BLNK: variants seen among roughly 807,000 people sequenced by gnomAD.
BLNK encodes B cell linker.
Under a neutral mutation model 73.5 loss-of-function variants are expected in BLNK, and 29 were observed. The observed-to-expected ratio is 0.39, with a 90% CI of 0.29 to 0.54. The LOEUF is 0.54. Among genes scored for constraint, BLNK ranks in the 20% least tolerant of loss-of-function variants. The pLI, the probability that BLNK is intolerant of heterozygous loss-of-function variation, is 0.61. For missense variants in BLNK, 460 were observed against 562.8 expected (o/e 0.82, Z 1.85); for synonymous variants, 176 against 200.8 (o/e 0.88, Z 1.04).
At chr10:96,247,878 C>A (rs1843115159) in intron 1 of BLNK, among the ~76,000 whole-genome samples, 1 of 152,208 alleles carries the variant, frequency 6.6e-6, no homozygotes, top group African/African-American at 2.4e-5. Context: ...CAATGGGAAA[C>A]CCCTAGAAGG....
intron 4 of BLNK, among the ~76,000 whole-genome samples, chr10:96,230,316 G>T (rs1048408748): frequency 6.6e-6 from 1 of 152,126 alleles, no homozygotes; most frequent in Non-Finnish European, 1.5e-5. Flanking sequence ...GGTCTGAATT[G>T]TGGAACTGCA....
intron 5 of BLNK, among the ~76,000 whole-genome samples, chr10:96,226,595 C>T (rs1207690122): frequency 1.3e-5 from 2 of 152,184 alleles, no homozygotes; most frequent in Non-Finnish European, 2.9e-5. Context: ...AATCCCAGCA[C>T]TTTGGGAGGC....
intron 3 of BLNK, among the ~76,000 whole-genome samples, chr10:96,242,287 A>G (rs1297552374): frequency 3.3e-5 from 5 of 152,022 alleles, no homozygotes; most frequent in Non-Finnish European, 5.9e-5. Context: ...GCCTTCCACT[A>G]TGATTGTGAG....
chr10:96,250,974 G>A (rs782211362), intron 1 of BLNK, among the ~76,000 whole-genome samples: 1 of 152,136 alleles, frequency 6.6e-6, no homozygotes, highest in African/African-American at 2.4e-5. Flanking sequence ...GATCAAATAA[G>A]GGTAATTGGG....
intron 3 of BLNK, among the ~76,000 whole-genome samples, chr10:96,236,852 A>G (rs1469457808): frequency 6.6e-6 from 1 of 151,984 alleles, no homozygotes; most frequent in African/African-American, 2.4e-5. Flanking sequence ...AATACTTATC[A>G]TCGTAGAAAC....
chr10:96,262,329 G>A (rs1468565195), intron 1 of BLNK, among the ~76,000 whole-genome samples: 10 of 152,148 alleles, frequency 6.6e-5, no homozygotes, highest in African/African-American at 1.9e-4. Flanking sequence ...AGGGCACCAG[G>A]GAAGCACAGA....
At chr10:96,205,957 G>A (rs1422659239) in intron 11 of BLNK, among the ~76,000 whole-genome samples, 1 of 152,130 alleles carries the variant, frequency 6.6e-6, no homozygotes, top group African/African-American at 2.4e-5. Context: ...GGACTCAGCA[G>A]GTCTGAGAGG....
chr10:96,242,867 AATAG>A, intron 2 of BLNK, 83 bp from the exon 3 acceptor site: 3 of 1,134,250 alleles, frequency 2.6e-6, no homozygotes, highest in Non-Finnish European at 4.0e-6. Flanking sequence ...ATATAGACAG[AATAG>A]ATAGACAACT....
At chr10:96,252,694 A>G (rs1219400089) in intron 1 of BLNK, among the ~76,000 whole-genome samples, 1 of 152,176 alleles carries the variant, frequency 6.6e-6, no homozygotes, top group African/African-American at 2.4e-5. Context: ...CTTGAGCCAC[A>G]GTTTGCAAAA....
intron 1 of BLNK, among the ~76,000 whole-genome samples, chr10:96,249,309 A>G (rs1332165441): frequency 6.6e-6 from 1 of 152,238 alleles, no homozygotes; most frequent in Non-Finnish European, 1.5e-5. Context: ...GCCCTTTGTG[A>G]ATTTAGAATG....
At chr10:96,246,791 G>C (rs1295804783) in intron 2 of BLNK, among the ~76,000 whole-genome samples, 193 bp downstream of exon 2, 1 of 152,196 alleles carries the variant, frequency 6.6e-6, no homozygotes, top group Non-Finnish European at 1.5e-5. Context: ...AGTCCACTGA[G>C]TACAACTGCA....
chr10:96,249,889 T>C (rs1194633226), intron 1 of BLNK, among the ~76,000 whole-genome samples: 2 of 152,178 alleles, frequency 1.3e-5, no homozygotes, highest in African/African-American at 4.8e-5. Context: ...AGTGTTCCAC[T>C]GGCATGGAAG....
At chr10:96,240,451 G>T (rs1350015274) in intron 3 of BLNK, among the ~76,000 whole-genome samples, 7 of 152,052 alleles carry the variant, frequency 4.6e-5, no homozygotes, top group Non-Finnish European at 1.0e-4. Flanking sequence ...TAAGAGATGG[G>T]ATCTCGCTAT....
At chr10:96,217,441 G>A (rs1554900123) in intron 6 of BLNK, among the ~76,000 whole-genome samples, 1 of 152,056 alleles carries the variant, frequency 6.6e-6, no homozygotes, top group Non-Finnish European at 1.5e-5. Context: ...ATGTATGAGG[G>A]CTCCAGTTTT....
intron 2 of BLNK, among the ~76,000 whole-genome samples, chr10:96,246,149 A>G (rs1455865659): frequency 9.2e-5 from 14 of 151,486 alleles, no homozygotes; most frequent in South Asian, 4.2e-4. Context: ...TAAAAAAAAA[A>G]GCTTAAGAGT....
chr10:96,228,092 TTTC>T (rs371735284), intron 4 of BLNK, among the ~76,000 whole-genome samples: 35,084 of 73,106 alleles, frequency 0.48, 4,047 homozygotes, highest in South Asian at 0.53. Context: ...CTCTCTTTTT[TTTC>T]TTTTTTTTTT....
intron 1 of BLNK, among the ~76,000 whole-genome samples, chr10:96,258,752 C>A (rs1159491833): frequency 2.0e-5 from 3 of 152,158 alleles, no homozygotes; most frequent in Admixed American, 6.5e-5. Context: ...CGGTAAAAGC[C>A]AGCATTTATT....
intron 5 of BLNK, among the ~76,000 whole-genome samples, chr10:96,224,990 G>A (rs993391023): frequency 2.0e-5 from 3 of 152,104 alleles, no homozygotes; most frequent in Non-Finnish European, 2.9e-5. Context: ...GAGCCACCAC[G>A]CCTGGCCAAC....
intron 3 of BLNK, chr10:96,239,089 C>G (rs1354599372): frequency 2.5e-6 from 1 of 398,484 alleles, no homozygotes; most frequent in Non-Finnish European, 4.4e-6. Flanking sequence ...TTGGGCCACA[C>G]TTCTGCATTC....
Sources: gnomAD v4.1 joint callset for allele counts (sites outside exome capture counted in the v4.1 genomes callset) on GRCh38, gnomAD v4.1.1 for gene constraint, MANE v1.5 for transcripts, NCBI Gene and HGNC (gene_info 2026-07-23, HGNC 2026-07-21) for gene names.